The following CACNA1B variants were observed in gnomAD, a reference collection of about 807,000 sequenced individuals.
The protein encoded by CACNA1B is calcium voltage-gated channel subunit alpha1 B.
CACNA1B carries 70 observed loss-of-function variants against 247.2 expected under a neutral mutation model. The ratio of observed to expected loss-of-function variants is 0.28; its 90% CI spans 0.23 to 0.35. The LOEUF (loss-of-function observed/expected upper bound fraction) is 0.35, where lower values mean the gene tolerates loss of function less well. CACNA1B is among the 10% of genes least tolerant of loss of function. The pLI is 1.00. For missense variants in CACNA1B, 2,367 were observed against 3,197.4 expected, an observed-to-expected ratio of 0.74 and a Z score of 6.26; for synonymous variants, 1,231 against 1,294.4, an observed-to-expected ratio of 0.95 and a Z score of 1.05.
chr9:138,025,003 C>T lies in CACNA1B; in HGVS notation c.3117C>T (p.Pro1039=), dbSNP rs2133441794. ...CCAGTGGGACTGTGACTGTGGGTCC[C>T]ATGCACACACTGCCCAGCACCTGTC... is the stretch of plus-strand genomic sequence containing the variant. ...LETSGTVTVG[P]MHTLPSTCLQ... Residue 1039 remains proline, a synonymous_variant, in exon 20 of 47, where the codon CCC becomes CCT. Transcript: ENST00000371372. The T allele has an allele frequency of 1.3e-6, 2 of 1,597,922 alleles. No individual in the cohort carries two copies. Among genetic ancestry groups the T allele is most frequent in the African/African-American group, 2.7e-5 (2 of 74,718 alleles).
intron 31 of CACNA1B, among the ~76,000 whole-genome samples, chr9:138,068,391 T>C (rs1339564506): frequency 6.6e-6 from 1 of 152,194 alleles, no homozygotes; most frequent in African/African-American, 2.4e-5. Context: ...TGCTTTACGA[T>C]TTAAAAAAGT....
intron 36 of CACNA1B, among the ~76,000 whole-genome samples, chr9:138,092,273 G>A (rs185027999): frequency 6.6e-6 from 1 of 152,294 alleles, no homozygotes; most frequent in Non-Finnish European, 1.5e-5. Context: ...GGAGACCAGG[G>A]CGTATTTCAT....
intron 10 of CACNA1B, among the ~76,000 whole-genome samples, chr9:137,959,910 G>C (rs975112654): frequency 2.6e-5 from 4 of 152,206 alleles, no homozygotes; most frequent in African/African-American, 9.7e-5. Context: ...GCCCCTGTCC[G>C]GAGGAGGAAG....
chr9:138,080,574 G>A (rs545529060), intron 36 of CACNA1B, among the ~76,000 whole-genome samples: 5 of 152,298 alleles, frequency 3.3e-5, no homozygotes, highest in Middle Eastern at 6.8e-3. Context: ...GGCAGCGGTC[G>A]TCCCATCTCT....
In CACNA1B at chr9:137,954,922, G is replaced by C. The variant is rs1957929105; in HGVS notation, c.1071-776G>C. 6.6e-6 allele frequency among the ~76,000 whole-genome samples: 1 copy of C among 151,788 alleles called. No individual in the cohort carries two copies. Among genetic ancestry groups the C allele is most frequent in the South Asian group, 2.1e-4 (1 of 4,798 alleles). On this transcript the variant is annotated intron_variant, in intron 7 of 46. Transcript: ENST00000371372. The surrounding 1 kb of genome is among the most constrained non-coding windows in gnomAD (Gnocchi z 4.1). ...AGAGAGGGGGAGAGAGAGAGAGAGA[G>C]AATGGCTTGCTTCTGGCACTGTGAG...
At position 137,973,007 on chromosome 9, in the gene CACNA1B, A is replaced by G. The variant is rs1211133121; in HGVS notation, c.1543+1415A>G. Among the ~76,000 whole-genome samples, 1 of 152,188 alleles carries G rather than the reference A, an allele frequency of 6.6e-6. No homozygotes were observed. Among genetic ancestry groups the G allele is most frequent in the African/African-American group, 2.4e-5 (1 of 41,460 alleles). ...TAAGGTTTTCCCACCCTTGGGGGTC[A>G]GGTGGGGACCAAGGACTTCCTCCTG... On this transcript the variant is annotated intron_variant, in intron 11 of 46. Transcript: ENST00000371372. The surrounding 1 kb of genome is among the most constrained non-coding windows in gnomAD (Gnocchi z 4.1).
At chr9:138,063,516 C>T (rs1403560438) in intron 31 of CACNA1B, among the ~76,000 whole-genome samples, 1 of 152,154 alleles carries the variant, frequency 6.6e-6, no homozygotes, top group Non-Finnish European at 1.5e-5. Flanking sequence ...ATAAGAATTC[C>T]AAATGATTAA....
In CACNA1B at chr9:138,057,344, C is replaced by T. The variant is rs930584254; in HGVS notation, c.3969-388C>T. On this transcript the variant is annotated intron_variant, in intron 26 of 46. Coordinates refer to ENST00000371372, the MANE Select transcript of CACNA1B (RefSeq NM_000718.4). The surrounding 1 kb of genome is among the most constrained non-coding windows in gnomAD (Gnocchi z 4.0). ...CCCATTCTGTGGATTTGTCTCTTTA[C>T]GTTCTCGGCGTCCTCTGAGCACAGA... Among the ~76,000 whole-genome samples, 17 of 152,140 alleles carry T rather than the reference C, an allele frequency of 1.1e-4. No individual in the cohort carries two copies. The highest frequency in any genetic ancestry group is 8.8e-5 in the Non-Finnish European group (6 of 68,034).
chr9:138,074,533 G>A (rs762872091), intron 34 of CACNA1B, among the ~76,000 whole-genome samples: 6 of 152,226 alleles, frequency 3.9e-5, no homozygotes, highest in Non-Finnish European at 7.3e-5. Context: ...GAGCCACCGC[G>A]CCTGGCCTAA....
At chr9:138,097,265 G>A (rs1354497782) in intron 37 of CACNA1B, among the ~76,000 whole-genome samples, 1 of 152,144 alleles carries the variant, frequency 6.6e-6, no homozygotes, top group East Asian at 1.9e-4. Flanking sequence ...TTTCAAAGGC[G>A]AGGGGTGGTG....
In CACNA1B at chr9:138,013,008, T is replaced by A. The variant is rs567476129; in HGVS notation, c.2161-121T>A. 75 of 695,832 alleles carry A rather than the reference T, an allele frequency of 1.1e-4. 1 individual carries two copies. Among genetic ancestry groups the A allele is most frequent in the South Asian group, 9.9e-4 (55 of 55,502 alleles). The allele number at this position is 695,832 out of a possible 1,614,324, so 43.1% of individuals were successfully genotyped here. ...GGGTTGGCTGCCTGTCTCCACTGGA[T>A]AGAGAGCAGCACTGTGTATTTTTTG... On this transcript the variant is annotated intron_variant, in intron 17 of 46. Transcript: ENST00000371372.
In CACNA1B at chr9:138,078,195, C is replaced by G. The variant is rs200959091; in HGVS notation, c.5031C>G (p.Thr1677=). The change falls in exon 36 of 47, where the codon ACC becomes ACG. Residue 1677 remains threonine, a synonymous_variant. Coordinates refer to ENST00000371372, the MANE Select transcript of CACNA1B (RefSeq NM_000718.4). ...NQACDEQANA[T]ECGSDFAYFY... ...CCTGTGATGAGCAGGCCAATGCCAC[C>G]GAGTGTGGAAGTGACTTTGCCTACT... The G allele has an allele frequency of 6.2e-7, 1 of 1,613,930 alleles. No homozygotes were observed. The highest frequency in any genetic ancestry group is 1.7e-5 in the Admixed American group (1 of 60,026).
chr9:138,004,658 C>T (rs1281300421), intron 15 of CACNA1B, among the ~76,000 whole-genome samples: 3 of 151,670 alleles, frequency 2.0e-5, no homozygotes, highest in South Asian at 4.2e-4. Context: ...ATGTTTAGCA[C>T]GTATGCAGTA....
chr9:138,059,552 C>A lies in CACNA1B; in HGVS notation c.4585-102C>A. On this transcript the variant is annotated intron_variant, in intron 30 of 46. Transcript: ENST00000371372. The surrounding 1 kb of genome is among the most constrained non-coding windows in gnomAD (Gnocchi z 4.2). ...TGTCTGCCCTGTGCTCAGGGTCTATCACCCTCACCGCTTTCTTAATCAGGG... is the reference window on the plus strand; with the variant it reads ...TGTCTGCCCTGTGCTCAGGGTCTATAACCCTCACCGCTTTCTTAATCAGGG... 1 of 763,170 alleles carries A rather than the reference C, an allele frequency of 1.3e-6. No individual in the cohort carries two copies. Among genetic ancestry groups the A allele is most frequent in the South Asian group, 1.5e-5 (1 of 64,690 alleles). The allele number at this position is 763,170 out of a possible 1,614,324, so 47.3% of individuals were successfully genotyped here.
At position 138,050,027 on chromosome 9, in the gene CACNA1B, G is replaced by A. The variant is rs1432029778; in HGVS notation, c.3710+712G>A. On this transcript the variant is annotated intron_variant, in intron 24 of 46. Transcript: ENST00000371372. This position sits in a 1 kb window ranked among gnomAD's most constrained non-coding sequence, Gnocchi z 5.2. ...TGAGCGGCTGGGAGGGCTGCTCCTG[G>A]TGCCACTGACTCTGTTCTCTTTGTC... The A allele has an allele frequency of 3.4e-5, 44 of 1,282,768 alleles. No homozygotes were observed. Among genetic ancestry groups the A allele is most frequent in the Non-Finnish European group, 4.4e-5 (43 of 982,552 alleles). 79.5% of individuals were successfully genotyped at this position (1,282,768 alleles called of 1,614,324 possible). A position where few individuals can be genotyped will look rare whatever the true frequency, so the allele number is the denominator to read the frequency against.
At chr9:137,965,061 G>A (rs373303269) in intron 10 of CACNA1B, among the ~76,000 whole-genome samples, 407 of 152,330 alleles carry the variant, frequency 2.7e-3, no homozygotes, top group African/African-American at 8.7e-3. Flanking sequence ...GCATCCTGCC[G>A]CATCCTCTAT....
rs572522332 is a variant in CACNA1B, at chr9:138,060,714, G to C, written c.4668+977G>C. Among the ~76,000 whole-genome samples, 3 of 152,360 alleles carry C rather than the reference G, an allele frequency of 2.0e-5. 1 individual carries two copies. Among genetic ancestry groups the C allele is most frequent in the South Asian group, 4.1e-4 (2 of 4,830 alleles). ...GTCTGACACCATCAGAGGAGAACCTGCTGGAGCACCAGGCTCCTTCCTGTT... is the reference window on the plus strand; with the variant it reads ...GTCTGACACCATCAGAGGAGAACCTCCTGGAGCACCAGGCTCCTTCCTGTT... On this transcript the variant is annotated intron_variant, in intron 31 of 46. Coordinates refer to ENST00000371372, the MANE Select transcript of CACNA1B (RefSeq NM_000718.4).
At chr9:138,108,604 T>G (rs2131358012) in intron 39 of CACNA1B, among the ~76,000 whole-genome samples, 1 of 152,196 alleles carries the variant, frequency 6.6e-6, no homozygotes, top group African/African-American at 2.4e-5. Flanking sequence ...ATATCCCTTA[T>G]AAACATAGAT....
At chr9:137,890,721 G>A (rs1197914601) in intron 3 of CACNA1B, 1 of 149,998 alleles carries the variant, frequency 6.7e-6, no homozygotes, top group Non-Finnish European at 1.5e-5. Context: ...GGTCCCACCA[G>A]GAGGGTCAGT....
Sources: gnomAD v4.1 joint callset for allele counts (sites outside exome capture counted in the v4.1 genomes callset) on GRCh38, gnomAD v4.1.1 for gene constraint, Gnocchi (gnomAD v3.1) non-coding constraint, MANE v1.5 for transcripts, NCBI Gene and HGNC (gene_info 2026-07-23, HGNC 2026-07-21) for gene names.